Variants in CHODL observed in about 807,000 individuals in gnomAD.
CHODL encodes the protein transmembrane protein MT75.
CHODL carries 29 observed loss-of-function variants against 34.5 expected under a neutral mutation model. The ratio of observed to expected loss-of-function variants is 0.84; its 90% CI spans 0.63 to 1.15. The LOEUF (loss-of-function observed/expected upper bound fraction) is 1.15, where lower values mean the gene tolerates loss of function less well. CHODL is among the 50% of genes most tolerant of loss of function. The probability of loss-of-function intolerance (pLI) is 0.00; values close to 1 mark genes in which losing one functional copy is unlikely to be tolerated. For missense variants in CHODL, 332 were observed against 332.5 expected (o/e 1.00, Z 0.01); for synonymous variants, 125 against 116.1 (o/e 1.08, Z -0.49).
intron 2 of CHODL, among the ~76,000 whole-genome samples, chr21:18,214,296 C>A (rs774903048): frequency 2.6e-5 from 4 of 152,078 alleles, no homozygotes; most frequent in Admixed American, 6.6e-5. Flanking sequence ...ATCACACCTT[C>A]CTCTGACCTT....
At chr21:18,206,136 A>G (rs2073709103) in intron 2 of CHODL, among the ~76,000 whole-genome samples, 1 of 152,210 alleles carries the variant, frequency 6.6e-6, no homozygotes. Context: ...TTCCGTAAAT[A>G]TCTGATTGGT....
chr21:17,918,654 A>C lies in CHODL; in HGVS notation c.-145+1254A>C, dbSNP rs190246548. On this transcript the variant is annotated intron_variant, in intron 1 of 6. Transcript: ENST00000400127. Reference sequence around the variant, plus strand: ...GGACACAGACAAAGCATATCATTCTACCCCAGCCCCTCCCAAATCTCATGT... The same window carrying C: ...GGACACAGACAAAGCATATCATTCTCCCCCAGCCCCTCCCAAATCTCATGT... Among the ~76,000 whole-genome samples the C allele has an allele frequency of 8.0e-3, 1,215 of 152,200 alleles. 18 individuals carry two copies. Among genetic ancestry groups the C allele is most frequent in the African/African-American group, 0.027 (1,119 of 41,508 alleles).
intron 2 of CHODL, among the ~76,000 whole-genome samples, chr21:18,112,648 A>G (rs1007130819): frequency 2.6e-5 from 4 of 152,220 alleles, no homozygotes; most frequent in African/African-American, 9.6e-5. Flanking sequence ...AAAAATGCCA[A>G]GAACATACAT....
Position 18,260,297 on chromosome 21 carries a change from C to T in CHODL, c.634+11C>T. On this transcript the variant is annotated intron_variant, in intron 4 of 5. Coordinates refer to ENST00000299295, the MANE Select transcript of CHODL (RefSeq NM_024944.3). The stretch of plus-strand genomic sequence containing the variant: ...TTGTTACTGAAGCAGGTAATTACTT[C>T]ATGTGTCTTTAACTTCATCAAGAAC... The T allele has an allele frequency of 6.5e-7, 1 of 1,527,000 alleles. No homozygotes were observed. Among genetic ancestry groups the T allele is most frequent in the African/African-American group, 1.4e-5 (1 of 71,674 alleles). 94.6% of individuals were successfully genotyped at this position (1,527,000 alleles called of 1,614,324 possible).
chr21:17,998,059 A>C (rs1287606353), intron 1 of CHODL, among the ~76,000 whole-genome samples: 1 of 152,232 alleles, frequency 6.6e-6, no homozygotes, highest in African/African-American at 2.4e-5. Flanking sequence ...TATCAAATGA[A>C]AAGCAAGCTA....
intron 2 of CHODL, among the ~76,000 whole-genome samples, chr21:18,147,149 G>C (rs1022360579): frequency 2.6e-5 from 4 of 152,188 alleles, no homozygotes; most frequent in Non-Finnish European, 5.9e-5. Flanking sequence ...AGTTGTTTGA[G>C]TTGCTCCTCT....
At chr21:18,265,565 G>T (rs2146834691) in intron 5 of CHODL, among the ~76,000 whole-genome samples, 1 of 151,790 alleles carries the variant, frequency 6.6e-6, no homozygotes, top group African/African-American at 2.4e-5. Context: ...ATACAAATTG[G>T]GTACAGTGTA....
At chr21:17,957,241 T>G (rs2063499683) in intron 1 of CHODL, among the ~76,000 whole-genome samples, 1 of 152,174 alleles carries the variant, frequency 6.6e-6, no homozygotes, top group Non-Finnish European at 1.5e-5. Context: ...CCAACATGTT[T>G]AGGCCACAAC....
intron 2 of CHODL, among the ~76,000 whole-genome samples, chr21:18,165,520 A>G (rs967112347): frequency 6.6e-6 from 1 of 152,200 alleles, no homozygotes; most frequent in African/African-American, 2.4e-5. Flanking sequence ...GCAGTTGGTA[A>G]GGACAGATCA....
chr21:18,160,062 G>A (rs118079071), intron 2 of CHODL, among the ~76,000 whole-genome samples: 2,057 of 152,274 alleles, frequency 0.014, 19 homozygotes, highest in Middle Eastern at 0.027. Flanking sequence ...GTGATAATCT[G>A]TTATAGTAGC....
At chr21:18,120,498 C>A (rs755564682) in intron 2 of CHODL, among the ~76,000 whole-genome samples, 1 of 152,050 alleles carries the variant, frequency 6.6e-6, no homozygotes, top group Non-Finnish European at 1.5e-5. Context: ...TCGTGTTTTA[C>A]CTTTCCCTTT....
chr21:17,933,458 A>C (rs771381800), intron 1 of CHODL, among the ~76,000 whole-genome samples: 12 of 152,302 alleles, frequency 7.9e-5, no homozygotes, highest in South Asian at 2.1e-4. Flanking sequence ...GAGCATGCTG[A>C]CTTCAAGCAT....
chr21:18,090,463 A>G (rs188369935), intron 2 of CHODL, among the ~76,000 whole-genome samples: 8 of 152,298 alleles, frequency 5.3e-5, no homozygotes, highest in African/African-American at 2.4e-5. Flanking sequence ...CAGGATAACC[A>G]TGTCCTAGGG....
chr21:18,013,917 G>A (rs1279684709), intron 1 of CHODL, among the ~76,000 whole-genome samples: 2 of 152,074 alleles, frequency 1.3e-5, no homozygotes, highest in East Asian at 1.9e-4. Flanking sequence ...TTACCGGCGT[G>A]AGCCACCGCG....
At chr21:18,076,188 G>A (rs188809278) in intron 2 of CHODL, among the ~76,000 whole-genome samples, 1 of 152,188 alleles carries the variant, frequency 6.6e-6, no homozygotes, top group Non-Finnish European at 1.5e-5. Context: ...TAGGATAATG[G>A]ATAGAGATTG....
intron 2 of CHODL, among the ~76,000 whole-genome samples, chr21:18,213,757 A>G (rs1377933179): frequency 6.6e-6 from 1 of 152,062 alleles, no homozygotes; most frequent in Non-Finnish European, 1.5e-5. Context: ...GACTGTATAC[A>G]AGTATAGGGG....
intron 2 of CHODL, among the ~76,000 whole-genome samples, chr21:18,067,096 T>C (rs1371599781): frequency 6.6e-6 from 1 of 152,216 alleles, no homozygotes; most frequent in African/African-American, 2.4e-5. Flanking sequence ...TTATGCCAGA[T>C]GGTGTGAGAG....
At chr21:18,265,310 C>CATAT (rs149734647) in intron 5 of CHODL, among the ~76,000 whole-genome samples, 19,976 of 147,028 alleles carry the variant, frequency 0.14, 1,443 homozygotes, top group African/African-American at 0.2. Context: ...CACACACACA[C>CATAT]ATATATATAT....
chr21:18,214,586 G>A (rs1466592755), intron 2 of CHODL, among the ~76,000 whole-genome samples: 2 of 152,030 alleles, frequency 1.3e-5, no homozygotes, highest in African/African-American at 4.8e-5. Flanking sequence ...TGCAAATTGA[G>A]GAAGCAATCT....
Sources: gnomAD v4.1 joint callset for allele counts (sites outside exome capture counted in the v4.1 genomes callset) on GRCh38, gnomAD v4.1.1 for gene constraint, MANE v1.5 for transcripts, NCBI Gene and HGNC (gene_info 2026-07-23, HGNC 2026-07-21) for gene names.